The following SRGAP1 variants were observed in gnomAD, a reference collection of about 807,000 sequenced individuals.
The protein encoded by SRGAP1 is SLIT-ROBO Rho GTPase activating protein 1.
Under a neutral mutation model 121.9 loss-of-function variants are expected in SRGAP1, and 43 were observed. The observed-to-expected ratio is 0.35, with a 90% CI of 0.28 to 0.46. The LOEUF is 0.46. Ranked by LOEUF, SRGAP1 falls within the 20% of genes least tolerant of loss-of-function variation. The pLI is 1.00. For missense variants in SRGAP1, 1,102 were observed against 1,350.9 expected (o/e 0.82, Z 2.89); for synonymous variants, 447 against 485.4 (o/e 0.92, Z 1.04).
intron 1 of SRGAP1, among the ~76,000 whole-genome samples, chr12:63,908,202 C>G (rs2136313708): frequency 1.3e-5 from 2 of 151,268 alleles, no homozygotes; most frequent in South Asian, 4.2e-4. Context: ...GATTATATTT[C>G]CATATGAATT....
intron 1 of SRGAP1, among the ~76,000 whole-genome samples, chr12:63,941,138 A>G (rs1483456108): frequency 2.6e-5 from 4 of 151,852 alleles, no homozygotes; most frequent in Admixed American, 6.6e-5. Context: ...TGATAAATAT[A>G]TATTAAATTA....
chr12:64,078,961 A>G lies in SRGAP1; in HGVS notation c.1168A>G (p.Met390Val). Residue 390 changes from methionine (M) to valine (V), a missense_variant, in exon 9 of 22, where the codon ATG (methionine) becomes GTG (valine). By Grantham distance (21) the Met-to-Val change is conservative. Transcript: ENST00000355086. ...TEATLQTIQD[M>V]VTIEDYDVSE... ...AGCCACCTTGCAGACGATACAAGAT[A>G]TGGTCACCATCGAGGACTATGATGT... The G allele has an allele frequency of 4.3e-6, 7 of 1,614,054 alleles. No homozygotes were observed. The highest frequency in any genetic ancestry group is 5.9e-6 in the Non-Finnish European group (7 of 1,179,990).
chr12:64,042,459 A>C (rs771633375), intron 4 of SRGAP1, among the ~76,000 whole-genome samples: 4 of 152,132 alleles, frequency 2.6e-5, no homozygotes, highest in Non-Finnish European at 4.4e-5. Context: ...TATTCTGCAA[A>C]TTAATAATGT....
intron 6 of SRGAP1, among the ~76,000 whole-genome samples, chr12:64,048,855 T>G (rs1221681112): frequency 6.6e-6 from 1 of 152,206 alleles, no homozygotes; most frequent in East Asian, 1.9e-4. Context: ...AAATTTTAGA[T>G]TTTTTCCTAT....
At chr12:63,994,730 C>T (rs2033646628) in intron 3 of SRGAP1, among the ~76,000 whole-genome samples, 1 of 152,188 alleles carries the variant, frequency 6.6e-6, no homozygotes, top group Non-Finnish European at 1.5e-5. Context: ...TTTGGAGGCT[C>T]CTGCTACACA....
At chr12:64,041,391 A>T (rs895082522) in intron 4 of SRGAP1, among the ~76,000 whole-genome samples, 17 of 115,474 alleles carry the variant, frequency 1.5e-4, no homozygotes, top group South Asian at 8.4e-4. Flanking sequence ...TTATTTATTT[A>T]TTTATTTTTT....
At chr12:64,115,076 T>C (rs2036496294) in intron 17 of SRGAP1, among the ~76,000 whole-genome samples, 1 of 152,138 alleles carries the variant, frequency 6.6e-6, no homozygotes, top group South Asian at 2.1e-4. Flanking sequence ...GCAATGAACA[T>C]GTGTCAAGAA....
intron 1 of SRGAP1, among the ~76,000 whole-genome samples, chr12:63,913,424 TG>T (rs1434839875): frequency 6.9e-6 from 1 of 144,332 alleles, no homozygotes; most frequent in Non-Finnish European, 1.5e-5. Flanking sequence ...CCCAAGGTGC[TG>T]GGATTATAGG....
chr12:64,042,791 T>C lies in SRGAP1; in HGVS notation c.491T>C (p.Val164Ala). 1 of 1,611,938 alleles carries C rather than the reference T, an allele frequency of 6.2e-7. No homozygotes were observed. Residue 164 changes from valine to alanine, a missense_variant and splice_region_variant, in exon 5 of 22, where the codon GTG becomes GCG. Around this residue, in one of 3 missense-constraint regions of SRGAP1, gnomAD observed 747 missense variants for 929.4 expected, o/e 0.80. Coordinates refer to ENST00000355086, the MANE Select transcript of SRGAP1 (RefSeq NM_020762.4). The stretch of plus-strand genomic sequence containing the variant: ...ACAATTTGGGTCACTTTTCCACAGG[T>C]GATGAAAACATACCATATGTATCAT... ...LMKVLNELYTVMKTYHMYHAE... is the reference protein window; with the variant it reads ...LMKVLNELYTAMKTYHMYHAE...
chr12:63,962,776 T>C (rs897621163), intron 1 of SRGAP1, among the ~76,000 whole-genome samples: 1 of 152,186 alleles, frequency 6.6e-6, no homozygotes, highest in Non-Finnish European at 1.5e-5. Context: ...TTGTCCAATA[T>C]GGCAGCTACT....
intron 9 of SRGAP1, among the ~76,000 whole-genome samples, 157 bp downstream of exon 9, chr12:64,079,273 TTTAGGAGTTATTTAGGAGTTAGTTAG>T (rs1036684924): frequency 6.6e-6 from 1 of 151,816 alleles, no homozygotes; most frequent in Non-Finnish European, 1.5e-5. Flanking sequence ...TCGGAAAGAG[TTTAGGAGTTATTTAGGAGTTAGTTAG>T]TTAGGAGTTA....
chr12:64,083,448 CT>C (rs1298315344), intron 10 of SRGAP1, among the ~76,000 whole-genome samples: 2 of 152,092 alleles, frequency 1.3e-5, no homozygotes, highest in Admixed American at 6.5e-5. Context: ...CCAGTAAGTT[CT>C]TTGATTTACA....
intron 1 of SRGAP1, 142 bp from the exon 2 acceptor site, chr12:63,983,797 AATATATAT>A (rs71911661): frequency 0.017 from 1,090 of 64,572 alleles, 6 homozygotes; most frequent in East Asian, 0.02. Flanking sequence ...ATACATTTAA[AATATATAT>A]ATATATATAT....
chr12:64,129,793 TAAAATG>T (rs1011053812), intron 21 of SRGAP1, among the ~76,000 whole-genome samples: 12 of 152,192 alleles, frequency 7.9e-5, no homozygotes, highest in African/African-American at 2.7e-4. Flanking sequence ...AAAAAGGAAA[TAAAATG>T]AAGATATTTT....
chr12:63,998,605 C>T (rs550556090), intron 3 of SRGAP1, among the ~76,000 whole-genome samples: 4 of 152,192 alleles, frequency 2.6e-5, no homozygotes, highest in Non-Finnish European at 5.9e-5. Context: ...ACTCTCCCAA[C>T]TGAAAATTGC....
intron 4 of SRGAP1, among the ~76,000 whole-genome samples, 180 bp downstream of exon 4, chr12:64,017,192 T>C (rs1677552023): frequency 6.6e-6 from 1 of 152,156 alleles, no homozygotes; most frequent in African/African-American, 2.4e-5. Context: ...CATTCCAATT[T>C]GGAGAAACTG....
intron 1 of SRGAP1, among the ~76,000 whole-genome samples, chr12:63,951,079 T>G (rs2032275405): frequency 6.6e-6 from 1 of 151,580 alleles, no homozygotes; most frequent in Admixed American, 6.6e-5. Flanking sequence ...TCAGGTGTCT[T>G]ATCTGAGTAC....
chr12:63,884,719 C>A (rs982361404), intron 1 of SRGAP1, among the ~76,000 whole-genome samples: 1 of 123,858 alleles, frequency 8.1e-6, no homozygotes, highest in Non-Finnish European at 1.7e-5. Context: ...CACCACCATT[C>A]TTTTTTTTTT....
At chr12:64,108,770 C>A in intron 15 of SRGAP1, 162 bp from the exon 16 acceptor site, 1 of 426,392 alleles carries the variant, frequency 2.3e-6, no homozygotes, top group East Asian at 3.4e-5. Context: ...TGGTGGTATA[C>A]CCAAGCCGAT....
Sources: allele counts gnomAD v4.1 joint callset (sites outside exome capture counted in the v4.1 genomes callset), GRCh38; gene constraint gnomAD v4.1.1; regional missense constraint gnomAD v4.1.1; transcripts MANE v1.5; gene names NCBI Gene and HGNC (gene_info 2026-07-23, HGNC 2026-07-21).